BTBD16: variants seen among roughly 807,000 people sequenced by gnomAD.
The protein encoded by BTBD16 is BTB domain containing 16.
BTBD16 carries 66 observed loss-of-function variants against 67.4 expected under a neutral mutation model. The ratio of observed to expected loss-of-function variants is 0.98; its 90% confidence interval spans 0.80 to 1.20. The LOEUF (loss-of-function observed/expected upper bound fraction) is 1.20, where lower values mean the gene tolerates loss of function less well. Ranked by LOEUF, BTBD16 falls within the 50% of genes most tolerant of loss-of-function variation. The pLI is 0.00. For synonymous variants in BTBD16, 242 were observed against 236.4 expected, an observed-to-expected ratio of 1.02 and a Z score of -0.22; for missense variants, 634 against 616.0, an observed-to-expected ratio of 1.03 and a Z score of -0.31.
At chr10:122,290,986 C>A in intron 6 of BTBD16, 94 bp from the exon 7 acceptor site, 1 of 1,410,912 alleles carries the variant, frequency 7.1e-7, no homozygotes, top group East Asian at 2.6e-5. Flanking sequence ...AAGGGCACCT[C>A]TGCCTGCCCA....
intron 10 of BTBD16, among the ~76,000 whole-genome samples, chr10:122,318,011 C>T (rs529495485): frequency 9.9e-4 from 151 of 152,262 alleles, no homozygotes; most frequent in African/African-American, 3.5e-3. Context: ...GCATGTATTA[C>T]ACTTTTATCC....
rs1282960148 is a variant in BTBD16 at position 122,298,973 on chromosome 10, T to TCCTTCATCAACTGG, written c.661-29_661-16dup. ...CAGAGGGTGCCAAGAGCTCAGGACT[T>TCCTTCATCAACTGG]CCTTCATCAACTGGCTTTTTTTTGT... On this transcript the variant is annotated intron_variant, in intron 8 of 15. Coordinates refer to ENST00000260723, the MANE Select transcript of BTBD16 (RefSeq NM_144587.5). The TCCTTCATCAACTGG allele has an allele frequency of 3.7e-6, 6 of 1,610,974 alleles. No homozygotes were observed. The African/African-American group carries it at 5.3e-5, about 14-fold the overall frequency.
At chr10:122,298,821 A>G (rs1035461510) in intron 8 of BTBD16, among the ~76,000 whole-genome samples, 183 bp from the exon 9 acceptor site, 4 of 152,230 alleles carry the variant, frequency 2.6e-5, no homozygotes, top group East Asian at 1.9e-4. Flanking sequence ...AACTGAGTGC[A>G]GCGCCTCGAG....
At position 122,329,558 on chromosome 10, in the gene BTBD16, C is replaced by T. The variant is rs140481157; in HGVS notation, c.990C>T (p.His330=). The change falls in exon 11 of 16, where the codon CAC becomes CAT. Residue 330 remains histidine (H), a synonymous_variant. Coordinates refer to ENST00000260723, the MANE Select transcript of BTBD16 (RefSeq NM_144587.5). The part of the protein sequence containing the change: ...LRPLFLCLRL[H]GITKGKDLEV... Reference sequence around the variant, plus strand: ...CGCTCTTCCTCTGCTTGCGTCTGCACGGCATCACCAAAGGTAAGCCCCAGT... The same window carrying T: ...CGCTCTTCCTCTGCTTGCGTCTGCATGGCATCACCAAAGGTAAGCCCCAGT... 72 of 1,613,658 alleles carry T rather than the reference C, an allele frequency of 4.5e-5. No individual in the cohort carries two copies. Among genetic ancestry groups the T allele is most frequent in the Admixed American group, 5.0e-5 (3 of 60,010 alleles).
intron 3 of BTBD16, among the ~76,000 whole-genome samples, chr10:122,283,593 A>G (rs186394855): frequency 6.6e-6 from 1 of 152,322 alleles, no homozygotes; most frequent in African/African-American, 2.4e-5. Context: ...CAGGCAGCCA[A>G]TTATGGCCTG....
At chr10:122,271,961 G>T (rs1206443662) in intron 1 of BTBD16, among the ~76,000 whole-genome samples, 1 of 152,146 alleles carries the variant, frequency 6.6e-6, no homozygotes, top group Non-Finnish European at 1.5e-5. Flanking sequence ...TGCTGACCAG[G>T]TCTGCTTTAG....
chr10:122,284,546 A>T (rs10749457), intron 4 of BTBD16, among the ~76,000 whole-genome samples: 69,685 of 152,002 alleles, frequency 0.46, 17,245 homozygotes, highest in East Asian at 0.89. Flanking sequence ...ACCAGTCATG[A>T]CTTGGACGTT....
intron 10 of BTBD16, among the ~76,000 whole-genome samples, chr10:122,322,718 G>A (rs573255139): frequency 2.2e-4 from 34 of 152,248 alleles, no homozygotes; most frequent in African/African-American, 6.7e-4. Flanking sequence ...AGATCAACTC[G>A]TTTATCAGGA....
intron 7 of BTBD16, among the ~76,000 whole-genome samples, chr10:122,295,644 C>T (rs1016024822): frequency 5.3e-5 from 8 of 151,948 alleles, no homozygotes; most frequent in African/African-American, 1.7e-4. Flanking sequence ...GAAGTGGGAG[C>T]GGGAGGAGGG....
chr10:122,319,157 C>T (rs549677914), intron 10 of BTBD16, among the ~76,000 whole-genome samples: 1 of 152,258 alleles, frequency 6.6e-6, no homozygotes, highest in South Asian at 2.1e-4. Flanking sequence ...TTCGTAGATA[C>T]TTTCTCCAAA....
intron 13 of BTBD16, chr10:122,332,796 T>A (rs2096457303): frequency 1.0e-6 from 1 of 984,194 alleles, no homozygotes; most frequent in Non-Finnish European, 1.2e-6. Context: ...GGACTTCAAT[T>A]CTAAAACCAG....
intron 5 of BTBD16, chr10:122,287,406 TAAAATGA>T (rs1463100759): frequency 1.7e-5 from 17 of 985,118 alleles, no homozygotes; most frequent in Admixed American, 6.1e-5. Flanking sequence ...AATGGGTCCC[TAAAATGA>T]AAACATTTAG....
intron 7 of BTBD16, among the ~76,000 whole-genome samples, chr10:122,297,393 G>A (rs922503478): frequency 3.3e-5 from 5 of 152,234 alleles, no homozygotes; most frequent in African/African-American, 4.8e-5. Flanking sequence ...CCCCTCTGGT[G>A]GCACCATAAG....
At position 122,291,220 on chromosome 10, in the gene BTBD16, C is replaced by CA. The variant is rs752458276; in HGVS notation, c.590+27dup. On this transcript the variant is annotated intron_variant, in intron 7 of 15. Transcript: ENST00000260723. ...GTAAGGAAACAAGGCTGACTTTGGG[C>CA]AGGGCCGGGCCTGGGGGAAATCGGA... is the stretch of plus-strand genomic sequence containing the variant. The CA allele has an allele frequency of 5.0e-6, 8 of 1,600,704 alleles. No homozygotes were observed. The South Asian group carries it at 9.0e-5, about 18-fold the overall frequency.
intron 8 of BTBD16, 124 bp from the exon 9 acceptor site, chr10:122,298,880 A>G (rs1175225079): frequency 1.6e-6 from 2 of 1,247,192 alleles, no homozygotes; most frequent in Non-Finnish European, 2.2e-6. Context: ...TGTATTTTGT[A>G]GAAAAGGTTT....
intron 10 of BTBD16, among the ~76,000 whole-genome samples, chr10:122,315,609 A>C (rs1163602210): frequency 6.6e-6 from 1 of 152,214 alleles, no homozygotes; most frequent in African/African-American, 2.4e-5. Flanking sequence ...AATATTTGGA[A>C]GAACTTTTCA....
chr10:122,324,939 C>A (rs993554038), intron 10 of BTBD16, among the ~76,000 whole-genome samples: 3 of 152,188 alleles, frequency 2.0e-5, no homozygotes, highest in Admixed American at 1.3e-4. Flanking sequence ...TTAAAAAGGG[C>A]AGCTGTGGTT....
At chr10:122,313,626 C>A (rs563350521) in intron 10 of BTBD16, among the ~76,000 whole-genome samples, 14 of 152,274 alleles carry the variant, frequency 9.2e-5, no homozygotes, top group South Asian at 8.3e-4. Context: ...CTCCTATTTT[C>A]TTCTAGAAGC....
chr10:122,295,370 A>G, intron 7 of BTBD16: 1 of 985,404 alleles, frequency 1.0e-6, no homozygotes, highest in South Asian at 4.7e-5. Flanking sequence ...ACTAAGACCC[A>G]ATGCAGCTGC....
Sources: gnomAD v4.1 joint callset for allele counts (sites outside exome capture counted in the v4.1 genomes callset) on GRCh38, gnomAD v4.1.1 for gene constraint, MANE v1.5 for transcripts, NCBI Gene and HGNC (gene_info 2026-07-23, HGNC 2026-07-21) for gene names.